The following OPCML variants were observed in gnomAD, a reference collection of about 807,000 sequenced individuals.
The protein encoded by OPCML is opioid-binding protein/cell adhesion molecule.
Under a neutral mutation model 37.8 loss-of-function variants are expected in OPCML, and 13 were observed. That is an observed-to-expected ratio of 0.34 (90% CI 0.22 to 0.55). The LOEUF (loss-of-function observed/expected upper bound fraction) is 0.55. Ranked by LOEUF, OPCML falls within the 20% of genes least tolerant of loss-of-function variation. The probability of loss-of-function intolerance (pLI) is 0.91; values close to 1 mark genes in which losing one functional copy is unlikely to be tolerated. For missense variants in OPCML, 341 were observed against 435.6 expected, an observed-to-expected ratio of 0.78 and a Z score of 1.93; for synonymous variants, 176 against 168.8, an observed-to-expected ratio of 1.04 and a Z score of -0.33.
At chr11:133,095,630 G>A (rs556842008) in intron 1 of OPCML, among the ~76,000 whole-genome samples, 3 of 146,850 alleles carry the variant, frequency 2.0e-5, no homozygotes, top group South Asian at 2.3e-4. Flanking sequence ...TGATACAGTA[G>A]TCATGAATTC....
At chr11:132,500,007 T>A (rs894894690) in intron 4 of OPCML, among the ~76,000 whole-genome samples, 4 of 152,112 alleles carry the variant, frequency 2.6e-5, no homozygotes, top group Admixed American at 6.5e-5. Context: ...AGGAAGGTAA[T>A]AGGTTGTGAA....
At chr11:132,566,357 A>G (rs916630878) in intron 3 of OPCML, among the ~76,000 whole-genome samples, 2 of 152,202 alleles carry the variant, frequency 1.3e-5, no homozygotes, top group African/African-American at 4.8e-5. Context: ...GAGAAGGAAG[A>G]CATCTGGATA....
intron 1 of OPCML, among the ~76,000 whole-genome samples, chr11:133,235,887 A>G (rs1339992409): frequency 6.6e-6 from 1 of 152,208 alleles, no homozygotes. Context: ...GGAGGGTTGG[A>G]CAAGATTTGC....
At chr11:132,826,397 T>C (rs1417162559) in intron 2 of OPCML, among the ~76,000 whole-genome samples, 1 of 152,214 alleles carries the variant, frequency 6.6e-6, no homozygotes, top group African/African-American at 2.4e-5. Context: ...TCTGCCAGTC[T>C]GAGTGGGATG....
chr11:132,969,288 C>T (rs1276739862), intron 1 of OPCML, among the ~76,000 whole-genome samples: 2 of 152,046 alleles, frequency 1.3e-5, no homozygotes, highest in South Asian at 2.1e-4. Flanking sequence ...ACGAAATGTC[C>T]TCTGTTAATA....
Position 133,464,798 on chromosome 11 carries a change from A to G in OPCML, c.61+67466T>C, listed in dbSNP as rs148913423. Among the ~76,000 whole-genome samples the G allele has an allele frequency of 1.3e-3, 202 of 152,302 alleles. 1 individual carries two copies. The highest frequency in any genetic ancestry group is 2.9e-3 in the South Asian group (14 of 4,818). On this transcript the variant is annotated intron_variant, in intron 1 of 7. Transcript: ENST00000524381. ...CAGTGACGTAACCTAAGATGGTTGT[A>G]CAAGAGCGGAGGCTGCTGGGTCTGA...
rs1249618176 is a variant in OPCML at position 132,808,577 on chromosome 11, C to A, written c.146+134349G>T. Among the ~76,000 whole-genome samples, 5 of 152,156 alleles carry A rather than the reference C, an allele frequency of 3.3e-5. No individual in the cohort carries two copies. In the East Asian group the frequency reaches 9.6e-4, roughly 29 times the overall value. ...GAAATTTGATGATCATTGGGTATAA[C>A]CCTGTGATGAAGCTTCCACTTTCCT... On this transcript the variant is annotated intron_variant, in intron 2 of 7. Coordinates refer to ENST00000524381, the MANE Select transcript of OPCML (RefSeq NM_001012393.5).
intron 1 of OPCML, among the ~76,000 whole-genome samples, chr11:132,977,958 G>A (rs1353538594): frequency 1.3e-5 from 2 of 152,184 alleles, no homozygotes; most frequent in Non-Finnish European, 2.9e-5. Context: ...GCAGAAATGG[G>A]CCAGAGGAGA....
intron 1 of OPCML, among the ~76,000 whole-genome samples, chr11:133,167,376 A>G (rs1219700585): frequency 6.6e-6 from 1 of 152,198 alleles, no homozygotes; most frequent in African/African-American, 2.4e-5. Flanking sequence ...TTATTGGTCA[A>G]CACAATCCTA....
At chr11:132,825,828 G>A (rs959109183) in intron 2 of OPCML, among the ~76,000 whole-genome samples, 3 of 152,218 alleles carry the variant, frequency 2.0e-5, no homozygotes, top group African/African-American at 7.2e-5. Context: ...TTTGGGTTGG[G>A]AGTCCTAGAA....
At chr11:132,520,674 A>ATGTGTGTGTGTGTGTGTG (rs1555144701) in intron 4 of OPCML, among the ~76,000 whole-genome samples, 3 of 128,020 alleles carry the variant, frequency 2.3e-5, no homozygotes, top group Non-Finnish European at 5.1e-5. Flanking sequence ...CTAAATATAT[A>ATGTGTGTGTGTGTGTGTG]TGTGTGTGTG....
intron 1 of OPCML, among the ~76,000 whole-genome samples, chr11:133,436,566 C>A (rs545774472): frequency 6.6e-6 from 1 of 152,138 alleles, no homozygotes; most frequent in South Asian, 2.1e-4. Context: ...CAGCATCCCA[C>A]ATTCAAGTTT....
intron 1 of OPCML, among the ~76,000 whole-genome samples, chr11:133,237,435 G>A (rs1441823522): frequency 1.3e-5 from 2 of 152,162 alleles, no homozygotes; most frequent in Admixed American, 1.3e-4. Context: ...GTATTACCAG[G>A]GCCAGGACTA....
At chr11:133,439,753 C>T (rs1946325065) in intron 1 of OPCML, among the ~76,000 whole-genome samples, 1 of 152,078 alleles carries the variant, frequency 6.6e-6, no homozygotes, top group Admixed American at 6.5e-5. Context: ...AGGTGTGAGC[C>T]ACCGAGCCCG....
At chr11:133,302,638 C>G (rs1274140179) in intron 1 of OPCML, 6 of 152,170 alleles carry the variant, frequency 3.9e-5, no homozygotes, top group Admixed American at 3.3e-4. Context: ...ATGGCACGTG[C>G]AAGGAGCACC....
intron 2 of OPCML, among the ~76,000 whole-genome samples, chr11:132,806,234 G>T (rs955220394): frequency 1.3e-5 from 2 of 152,052 alleles, no homozygotes; most frequent in African/African-American, 4.8e-5. Context: ...AAACCAAATT[G>T]CCATATGGTA....
intron 1 of OPCML, among the ~76,000 whole-genome samples, chr11:133,472,614 G>A (rs1224992093): frequency 1.3e-5 from 2 of 151,778 alleles, no homozygotes; most frequent in African/African-American, 4.8e-5. Context: ...AGGGTATCTT[G>A]CTGAGTTTGA....
intron 4 of OPCML, among the ~76,000 whole-genome samples, chr11:132,518,005 T>G (rs1015155834): frequency 2.0e-5 from 3 of 152,210 alleles, no homozygotes; most frequent in African/African-American, 7.2e-5. Context: ...CAAGCTCTCT[T>G]ACTTGAAACT....
At chr11:133,004,990 C>T in intron 1 of OPCML, 2 of 985,420 alleles carry the variant, frequency 2.0e-6, no homozygotes, top group South Asian at 9.4e-5. Flanking sequence ...TGGACTGCTG[C>T]ACTCTTACTC....
Sources: allele counts gnomAD v4.1 joint callset (sites outside exome capture counted in the v4.1 genomes callset), GRCh38; gene constraint gnomAD v4.1.1; transcripts MANE v1.5; gene names NCBI Gene and HGNC (gene_info 2026-07-23, HGNC 2026-07-21).